PDE11A: variants seen among roughly 807,000 people sequenced by gnomAD.
PDE11A encodes dual 3',5'-cyclic-AMP and -GMP phosphodiesterase 11A.
PDE11A carries 100 observed loss-of-function variants against 100.5 expected under a neutral mutation model. The ratio of observed to expected loss-of-function variants is 1.00; its 90% confidence interval spans 0.85 to 1.18. PDE11A has a LOEUF of 1.18. PDE11A is among the 50% of genes most tolerant of loss of function. The pLI is 0.00. For synonymous variants in PDE11A, 381 were observed against 420.8 expected (o/e 0.91, Z 1.16); for missense variants, 1,141 against 1,152.6 (o/e 0.99, Z 0.15).
intron 10 of PDE11A, among the ~76,000 whole-genome samples, chr2:177,768,416 A>G (rs536114940): frequency 6.6e-6 from 1 of 152,338 alleles, no homozygotes; most frequent in South Asian, 2.1e-4. Context: ...ACCAAGTGAT[A>G]TTACATTCTA....
intron 2 of PDE11A, among the ~76,000 whole-genome samples, chr2:177,920,591 A>C (rs1258731993): frequency 6.6e-6 from 1 of 152,176 alleles, no homozygotes; most frequent in Non-Finnish European, 1.5e-5. Context: ...TTGGTGCAAC[A>C]ATTCTGAAGA....
intron 2 of PDE11A, among the ~76,000 whole-genome samples, chr2:177,962,787 T>C (rs1196637310): frequency 6.6e-6 from 1 of 152,070 alleles, no homozygotes; most frequent in Non-Finnish European, 1.5e-5. Context: ...AATTAAAGTG[T>C]GCATTATCAT....
intron 10 of PDE11A, among the ~76,000 whole-genome samples, chr2:177,759,170 C>T (rs1178890245): frequency 7.6e-6 from 1 of 131,444 alleles, no homozygotes; most frequent in African/African-American, 3.1e-5. Flanking sequence ...AGTTGGAGCA[C>T]GTGCACACAC....
chr2:177,852,826 T>G (rs1053701088), intron 5 of PDE11A, among the ~76,000 whole-genome samples: 7 of 152,216 alleles, frequency 4.6e-5, no homozygotes, highest in Non-Finnish European at 8.8e-5. Flanking sequence ...TTCCTAAATT[T>G]ATCATGATCT....
chr2:178,071,957 C>T lies in PDE11A; in HGVS notation c.481G>A (p.Ala161Thr), dbSNP rs746976343. The change falls in exon 1 of 20, where the codon GCA becomes ACA. Residue 161 changes from alanine to threonine, a missense_variant. Ala to Thr is a moderately conservative substitution (Grantham distance 58). Coordinates refer to ENST00000286063, the MANE Select transcript of PDE11A (RefSeq NM_016953.4). ...SVRRRALLRKASSLPPTTAHI... is the reference protein window; with the variant it reads ...SVRRRALLRKTSSLPPTTAHI... ...GCTGTGGTGGGGGGCAGGGAGCTTG[C>T]CTTCCGGAGAAGTGCCCTCCGTCGT... The T allele has an allele frequency of 5.0e-6, 8 of 1,613,960 alleles. No individual in the cohort carries two copies. Among genetic ancestry groups the T allele is most frequent in the African/African-American group, 4.0e-5 (3 of 74,926 alleles).
intron 9 of PDE11A, among the ~76,000 whole-genome samples, chr2:177,791,375 T>C (rs1253390720): frequency 1.8e-5 from 2 of 112,892 alleles, no homozygotes; most frequent in Admixed American, 1.3e-4. Context: ...CATCACACTC[T>C]GGGGACTGTT....
chr2:177,958,009 C>G (rs2085587734), intron 2 of PDE11A, among the ~76,000 whole-genome samples: 1 of 151,316 alleles, frequency 6.6e-6, no homozygotes, highest in Non-Finnish European at 1.5e-5. Context: ...AAGCTATTCC[C>G]CTGCTTCAGC....
intron 9 of PDE11A, among the ~76,000 whole-genome samples, chr2:177,786,347 C>G (rs1470047862): frequency 6.6e-6 from 1 of 152,080 alleles, no homozygotes; most frequent in Non-Finnish European, 1.5e-5. Flanking sequence ...AGAAGGAAAA[C>G]TAACAAACAG....
chr2:177,683,853 G>T (rs59259791), intron 15 of PDE11A, among the ~76,000 whole-genome samples: 5,957 of 152,122 alleles, frequency 0.039, 385 homozygotes, highest in African/African-American at 0.13. Context: ...GCTTAATGCT[G>T]ACTGTCACTT....
At chr2:177,848,770 C>T (rs563583763) in intron 5 of PDE11A, among the ~76,000 whole-genome samples, 1 of 151,874 alleles carries the variant, frequency 6.6e-6, no homozygotes, top group Admixed American at 6.6e-5. Context: ...TAAATCAATA[C>T]GAGCAAAGAA....
At chr2:177,885,988 TGAGAA>T (rs929150532) in intron 4 of PDE11A, among the ~76,000 whole-genome samples, 5 of 152,098 alleles carry the variant, frequency 3.3e-5, no homozygotes, top group African/African-American at 9.7e-5. Flanking sequence ...AGATGATACA[TGAGAA>T]GAGAACACTT....
intron 9 of PDE11A, among the ~76,000 whole-genome samples, chr2:177,782,312 C>A (rs2082465430): frequency 6.6e-6 from 1 of 152,150 alleles, no homozygotes; most frequent in Non-Finnish European, 1.5e-5. Flanking sequence ...ATGTCCCTTC[C>A]CTTTGACTCT....
At position 177,769,867 on chromosome 2, in the gene PDE11A, G is replaced by A. The variant is rs575767535; in HGVS notation, c.1738-494C>T. Among the ~76,000 whole-genome samples the A allele has an allele frequency of 6.6e-3, 872 of 132,530 alleles. 6 individuals carry two copies. Among genetic ancestry groups the A allele is most frequent in the African/African-American group, 0.024 (829 of 35,078 alleles). 86.9% of individuals were successfully genotyped at this position (132,530 alleles called of 152,430 possible). ...CATGCCACTGCACTCCAGCCTGGGCGACAGAGTAAGACCCTATCAAAAAAA... is the reference window on the plus strand; with the variant it reads ...CATGCCACTGCACTCCAGCCTGGGCAACAGAGTAAGACCCTATCAAAAAAA... On this transcript the variant is annotated intron_variant, in intron 9 of 19. Transcript: ENST00000286063.
chr2:177,993,886 A>G (rs538493957), intron 2 of PDE11A, among the ~76,000 whole-genome samples: 14 of 152,116 alleles, frequency 9.2e-5, no homozygotes, highest in Middle Eastern at 3.4e-3. Flanking sequence ...AGAGAATTAT[A>G]TGAGTTAATA....
intron 13 of PDE11A, among the ~76,000 whole-genome samples, chr2:177,707,151 C>A (rs1222608598): frequency 6.6e-6 from 1 of 152,188 alleles, no homozygotes; most frequent in Non-Finnish European, 1.5e-5. Flanking sequence ...GTCCAGGCTC[C>A]AGTCTACCAC....
At chr2:177,961,981 C>T (rs558332766) in intron 2 of PDE11A, among the ~76,000 whole-genome samples, 3 of 144,670 alleles carry the variant, frequency 2.1e-5, no homozygotes, top group African/African-American at 5.2e-5. Context: ...TGCTTGATCC[C>T]GGGAGGCAGA....
chr2:177,708,958 G>A (rs1199028572), intron 13 of PDE11A, among the ~76,000 whole-genome samples: 2 of 152,200 alleles, frequency 1.3e-5, no homozygotes, highest in African/African-American at 4.8e-5. Context: ...CGAAGGTGAT[G>A]CTTTCAGAGG....
chr2:177,725,443 C>T (rs998984659), intron 12 of PDE11A, among the ~76,000 whole-genome samples: 2 of 152,100 alleles, frequency 1.3e-5, no homozygotes, highest in Admixed American at 6.6e-5. Flanking sequence ...AACAAAATAA[C>T]GTTGTATTCT....
chr2:177,716,141 C>T lies in PDE11A; in HGVS notation c.2044-4263G>A, dbSNP rs186070482. 1.1e-3 allele frequency among the ~76,000 whole-genome samples: 171 copies of T among 152,344 alleles called. 2 individuals are homozygous for T. The highest frequency in any genetic ancestry group is 3.2e-4 in the Non-Finnish European group (22 of 68,032). On this transcript the variant is annotated intron_variant, in intron 12 of 19. Coordinates refer to ENST00000286063, the MANE Select transcript of PDE11A (RefSeq NM_016953.4). ...ATCCTCTTATTTTGAGTGTGCACCT[C>T]ATCCTAACTTTGCTTTAGGTTGTGT...
Sources: allele counts gnomAD v4.1 joint callset (sites outside exome capture counted in the v4.1 genomes callset), GRCh38; gene constraint gnomAD v4.1.1; transcripts MANE v1.5; gene names NCBI Gene and HGNC (gene_info 2026-07-23, HGNC 2026-07-21).